NEK3: variants seen among roughly 807,000 people sequenced by gnomAD.
NEK3 encodes NIMA related kinase 3, also known as serine/threonine-protein kinase Nek3.
A neutral mutation model predicts 66.0 loss-of-function variants in NEK3; 54 were observed. The observed-to-expected ratio is 0.82, with a 90% CI of 0.66 to 1.03. NEK3 has a LOEUF of 1.03. Ranked by LOEUF, NEK3 falls within the 50% of genes least tolerant of loss-of-function variation. The pLI is 0.00. For missense variants in NEK3, 593 were observed against 603.0 expected, an observed-to-expected ratio of 0.98 and a Z score of 0.17; for synonymous variants, 200 against 206.2, an observed-to-expected ratio of 0.97 and a Z score of 0.26.
chr13:52,144,746 G>C lies in NEK3; in HGVS notation c.749C>G (p.Thr250Arg). 1 of 1,613,932 alleles carries C rather than the reference G, an allele frequency of 6.2e-7. No homozygotes were observed. Among genetic ancestry groups the C allele is most frequent in the South Asian group, 1.1e-5 (1 of 91,072 alleles). Reference sequence around the variant, plus strand: ...AGCTACGATGCCTCGAGAGAGAAGCGTTGTAGCCGAGGGGCGATGTGAGGG... The same window carrying C: ...AGCTACGATGCCTCGAGAGAGAAGCCTTGTAGCCGAGGGGCGATGTGAGGG... ...RNPSHRPSAT[T>R]LLSRGIVARL... Residue 250 changes from threonine to arginine, a missense_variant, in exon 9 of 16, where the codon ACG becomes AGG. By Grantham distance (71) the Thr-to-Arg change is moderately conservative. Coordinates refer to ENST00000610828, the MANE Select transcript of NEK3 (RefSeq NM_002498.3).
chr13:52,153,815 C>T (rs1956367259), intron 4 of NEK3, 80 bp downstream of exon 4: 1 of 942,572 alleles, frequency 1.1e-6, no homozygotes, highest in Non-Finnish European at 1.7e-6. Flanking sequence ...GATATCAATG[C>T]TTTTATTTTA....
In NEK3 at chr13:52,141,085, G is replaced by T. The variant is rs745565448; in HGVS notation, c.878-16C>A. ...CTGGGGTTTGCTTTTAAAAGAGAGA[G>T]AGAAGGTAGAAAGATAAAACACATA... On this transcript the variant is annotated splice_polypyrimidine_tract_variant and intron_variant, in intron 10 of 15. Coordinates refer to ENST00000610828, the MANE Select transcript of NEK3 (RefSeq NM_002498.3). 1 of 1,589,998 alleles carries T rather than the reference G, an allele frequency of 6.3e-7. No homozygotes were observed. The highest frequency in any genetic ancestry group is 1.8e-5 in the Admixed American group (1 of 56,416).
chr13:52,142,523 G>A (rs1302801385), intron 10 of NEK3, among the ~76,000 whole-genome samples: 2 of 152,114 alleles, frequency 1.3e-5, no homozygotes, highest in African/African-American at 4.8e-5. Flanking sequence ...TGATCTACCC[G>A]CCTCGGCTTC....
At chr13:52,147,725 A>C (rs1956305977) in intron 8 of NEK3, among the ~76,000 whole-genome samples, 1 of 152,146 alleles carries the variant, frequency 6.6e-6, no homozygotes, top group African/African-American at 2.4e-5. Flanking sequence ...TAATCCCAGC[A>C]CTTTGGGAGG....
chr13:52,152,239 ATAATAATGCATAGAATACT>A (rs778613331), intron 5 of NEK3, among the ~76,000 whole-genome samples: 17 of 152,340 alleles, frequency 1.1e-4, no homozygotes, highest in African/African-American at 3.1e-4. Context: ...ACTATAGTTA[ATAATAATGCATAGAATACT>A]TAATAATGCA....
intron 5 of NEK3, among the ~76,000 whole-genome samples, chr13:52,152,254 ATACT>A (rs757995634): frequency 4.0e-4 from 61 of 152,322 alleles, no homozygotes; most frequent in Admixed American, 1.0e-3. Context: ...AATGCATAGA[ATACT>A]TAATAATGCA....
intron 14 of NEK3, 86 bp from the exon 15 acceptor site, chr13:52,133,901 G>A: frequency 7.4e-7 from 1 of 1,358,178 alleles, no homozygotes; most frequent in African/African-American, 1.4e-5. Flanking sequence ...CCGTAAGCTT[G>A]CTGGCTGAGG....
intron 14 of NEK3, 41 bp downstream of exon 14, chr13:52,135,688 A>T (rs752242924): frequency 6.4e-7 from 1 of 1,550,734 alleles, no homozygotes; most frequent in South Asian, 1.2e-5. Context: ...AATTTTCAAA[A>T]AGTCAAAGGG....
intron 11 of NEK3, among the ~76,000 whole-genome samples, chr13:52,140,524 C>A (rs917639555): frequency 6.6e-6 from 1 of 151,970 alleles, no homozygotes; most frequent in Non-Finnish European, 1.5e-5. Flanking sequence ...AGAAGAATGG[C>A]ATGAATCCAG....
intron 14 of NEK3, 89 bp from the exon 15 acceptor site, chr13:52,133,904 G>T: frequency 7.5e-7 from 1 of 1,333,418 alleles, no homozygotes; most frequent in Non-Finnish European, 1.0e-6. Flanking sequence ...TAAGCTTGCT[G>T]GCTGAGGACA....
chr13:52,142,358 C>T (rs910102272), intron 10 of NEK3, among the ~76,000 whole-genome samples: 5 of 151,620 alleles, frequency 3.3e-5, no homozygotes, highest in Non-Finnish European at 5.9e-5. Context: ...CTCACTGCAA[C>T]CTCCACCTCC....
At chr13:52,149,045 C>T (rs993848122) in intron 7 of NEK3, among the ~76,000 whole-genome samples, 1 of 152,086 alleles carries the variant, frequency 6.6e-6, no homozygotes, top group Non-Finnish European at 1.5e-5. Flanking sequence ...GCGCCCGCCA[C>T]CACGCCCAGC....
At chr13:52,154,493 T>C (rs1436589073) in intron 2 of NEK3, among the ~76,000 whole-genome samples, 3 of 151,902 alleles carry the variant, frequency 2.0e-5, no homozygotes, top group Non-Finnish European at 4.4e-5. Flanking sequence ...AAATAATGTA[T>C]CTTTTGCTTG....
Position 52,152,589 on chromosome 13 carries a change from CA to C in NEK3, c.393+19del. 3 of 1,522,850 alleles carry C rather than the reference CA, an allele frequency of 2.0e-6. No homozygotes were observed. Among genetic ancestry groups the C allele is most frequent in the Admixed American group, 2.0e-5 (1 of 51,012 alleles). The allele number at this position is 1,522,850 out of a possible 1,614,324, so 94.3% of individuals were successfully genotyped here. A position where few individuals can be genotyped will look rare whatever the true frequency, so the allele number is the denominator to read the frequency against. On this transcript the variant is annotated intron_variant, in intron 5 of 15. Coordinates refer to ENST00000610828, the MANE Select transcript of NEK3 (RefSeq NM_002498.3). ...ATTAAGGACTTTTTTTTTTTAAGTC[CA>C]AAAATGTACTCCACTCACCTTGGAC... is the stretch of plus-strand genomic sequence containing the variant.
At chr13:52,154,762 T>C (rs530272081) in intron 2 of NEK3, among the ~76,000 whole-genome samples, 1 of 150,386 alleles carries the variant, frequency 6.6e-6, no homozygotes, top group South Asian at 2.1e-4. Flanking sequence ...ATCAAGAAAT[T>C]GCCATTGTTA....
At chr13:52,146,700 TTCAA>T (rs1279744761) in intron 8 of NEK3, among the ~76,000 whole-genome samples, 1 of 152,240 alleles carries the variant, frequency 6.6e-6, no homozygotes, top group Non-Finnish European at 1.5e-5. Context: ...GAGATTTTAA[TTCAA>T]TCACTGTGCT....
chr13:52,143,643 A>AC (rs1956269317), intron 10 of NEK3, among the ~76,000 whole-genome samples: 1 of 152,230 alleles, frequency 6.6e-6, no homozygotes, highest in Non-Finnish European at 1.5e-5. Context: ...CCTGACCTAC[A>AC]CAACAAGCCA....
At chr13:52,140,346 C>T (rs951855819) in intron 11 of NEK3, among the ~76,000 whole-genome samples, 1 of 151,564 alleles carries the variant, frequency 6.6e-6, no homozygotes, top group African/African-American at 2.4e-5. Context: ...CGGTGGCTCA[C>T]GCCTGTAATC....
chr13:52,136,487 A>T (rs1169201462), intron 12 of NEK3, among the ~76,000 whole-genome samples: 2 of 152,302 alleles, frequency 1.3e-5, no homozygotes, highest in Admixed American at 6.5e-5. Context: ...TAAAAAAATA[A>T]TATGTATATA....
Sources: allele counts gnomAD v4.1 joint callset (sites outside exome capture counted in the v4.1 genomes callset), GRCh38; gene constraint gnomAD v4.1.1; transcripts MANE v1.5; gene names NCBI Gene and HGNC (gene_info 2026-07-23, HGNC 2026-07-21).